LRP1B: variants seen among roughly 807,000 people sequenced by gnomAD.
LRP1B encodes low-density lipoprotein receptor-related protein 1B.
A neutral mutation model predicts 556.6 loss-of-function variants in LRP1B; 217 were observed. The ratio of observed to expected loss-of-function variants is 0.39; its 90% CI spans 0.35 to 0.44. LRP1B has a LOEUF of 0.44. Ranked by LOEUF, LRP1B falls within the 20% of genes least tolerant of loss-of-function variation. LRP1B has a pLI of 1.00. For missense variants in LRP1B, 5,053 were observed against 5,620.8 expected (o/e 0.90, Z 3.23); for synonymous variants, 2,047 against 1,865.8 (o/e 1.10, Z -2.50).
In LRP1B at chr2:141,947,765, T is replaced by C. The variant is rs528935486; in HGVS notation, c.83-137364A>G. Among the ~76,000 whole-genome samples, 3 of 151,602 alleles carry C rather than the reference T, an allele frequency of 2.0e-5. No individual in the cohort carries two copies. In the East Asian group the frequency reaches 5.8e-4, roughly 30 times the overall value. ...TTATTATAAATATTTAAAATACTTA[T>C]CTCTAAAATTCTAAAACATCGAGGC... On this transcript the variant is annotated intron_variant, in intron 1 of 90. Transcript: ENST00000389484.
At chr2:140,352,356 A>T (rs1483300496) in intron 76 of LRP1B, among the ~76,000 whole-genome samples, 1 of 151,974 alleles carries the variant, frequency 6.6e-6, no homozygotes, top group Non-Finnish European at 1.5e-5. Flanking sequence ...TTGTAGTTTT[A>T]GTAGAGACGG....
chr2:140,784,701 G>T (rs1290540458), intron 32 of LRP1B, among the ~76,000 whole-genome samples: 1 of 143,870 alleles, frequency 7.0e-6, no homozygotes, highest in Non-Finnish European at 1.5e-5. Context: ...TATACATGAA[G>T]CTAGAGGAGG....
intron 43 of LRP1B, among the ~76,000 whole-genome samples, chr2:140,545,613 TG>T (rs909588390): frequency 2.0e-5 from 3 of 152,148 alleles, no homozygotes; most frequent in African/African-American, 7.2e-5. Flanking sequence ...GCCTTATTTC[TG>T]GAATCTCTAT....
chr2:141,540,951 A>G lies in LRP1B; in HGVS notation c.206-60418T>C, dbSNP rs184815009. 2.3e-3 allele frequency among the ~76,000 whole-genome samples: 354 copies of G among 152,186 alleles called. 4 individuals are homozygous for G. Among genetic ancestry groups the G allele is most frequent in the African/African-American group, 6.6e-3 (276 of 41,572 alleles). On this transcript the variant is annotated intron_variant, in intron 2 of 90. Coordinates refer to ENST00000389484, the MANE Select transcript of LRP1B (RefSeq NM_018557.3). ...AACCCTGTTGACAAAATGAAAATAT[A>G]TGCAAGACATACTATATAGCTGCTA...
chr2:141,083,472 A>G (rs1699975048), intron 7 of LRP1B, among the ~76,000 whole-genome samples: 2 of 152,090 alleles, frequency 1.3e-5, no homozygotes, highest in African/African-American at 4.8e-5. Context: ...GAGATGCAGC[A>G]TAGCATAATG....
chr2:140,873,779 G>A (rs1331967109), intron 25 of LRP1B, among the ~76,000 whole-genome samples: 1 of 151,698 alleles, frequency 6.6e-6, no homozygotes, highest in Non-Finnish European at 1.5e-5. Flanking sequence ...TTCAATAAAA[G>A]TATATTGGTA....
At chr2:140,300,489 A>G (rs1683775336) in intron 83 of LRP1B, among the ~76,000 whole-genome samples, 1 of 152,320 alleles carries the variant, frequency 6.6e-6, no homozygotes, top group South Asian at 2.1e-4. Flanking sequence ...GTATAGATTT[A>G]TAGCAGCGAT....
At chr2:140,496,475 GT>G (rs893213611) in intron 55 of LRP1B, among the ~76,000 whole-genome samples, 4 of 152,068 alleles carry the variant, frequency 2.6e-5, no homozygotes, top group Admixed American at 6.6e-5. Context: ...TAATGTAGAT[GT>G]TTTTTATCTT....
chr2:141,081,300 T>C (rs967634124), intron 7 of LRP1B, among the ~76,000 whole-genome samples: 4 of 152,176 alleles, frequency 2.6e-5, no homozygotes, highest in African/African-American at 9.7e-5. Context: ...CCCCTGTGGA[T>C]GAGGAGTAAC....
rs768559298 is a variant in LRP1B at position 140,700,278 on chromosome 2, G to A, written c.6771C>T (p.Asn2257=). The change falls in exon 41 of 91, where the codon AAC becomes AAT. Residue 2257 remains asparagine, a synonymous_variant. Transcript: ENST00000389484. ...HFGNIQLIKD[N]WEDRQVIVEN... is the part of the protein sequence containing the mutation. ...CAACAATTACTTGTCTGTCTTCCCA[G>A]TTGTCTTTAATAAGCTGTATATTTC... The A allele has an allele frequency of 6.2e-7, 1 of 1,611,518 alleles. No individual in the cohort carries two copies. Among genetic ancestry groups the A allele is most frequent in the Non-Finnish European group, 8.5e-7 (1 of 1,178,542 alleles).
chr2:140,340,869 A>G (rs1681355889), intron 77 of LRP1B, among the ~76,000 whole-genome samples: 1 of 151,468 alleles, frequency 6.6e-6, no homozygotes, highest in Non-Finnish European at 1.5e-5. Context: ...AGTGTTCCCA[A>G]TGTTTATACC....
chr2:140,358,905 T>G lies in LRP1B; in HGVS notation c.11173A>C (p.Asn3725His), dbSNP rs748237904. ...CPSTRPHRCR[N>H]NRICLQSEQM... Reference sequence around the variant, plus strand: ...TCCGACTGTAGGCATATTCTGTTATTTCTGCATCTGTGAGGTCTCGTGGAT... The same window carrying G: ...TCCGACTGTAGGCATATTCTGTTATGTCTGCATCTGTGAGGTCTCGTGGAT... Residue 3725 changes from asparagine (N) to histidine (H), a missense_variant, in exon 73 of 91, where the codon AAT becomes CAT. Coordinates refer to ENST00000389484, the MANE Select transcript of LRP1B (RefSeq NM_018557.3). The G allele has an allele frequency of 1.2e-5, 19 of 1,608,784 alleles. No homozygotes were observed. The highest frequency in any genetic ancestry group is 1.5e-5 in the Non-Finnish European group (18 of 1,176,188).
chr2:140,577,092 G>A (rs1031553655), intron 43 of LRP1B, among the ~76,000 whole-genome samples: 7 of 152,006 alleles, frequency 4.6e-5, no homozygotes, highest in African/African-American at 1.2e-4. Context: ...ATGTTCCATC[G>A]CACTCACTCT....
intron 35 of LRP1B, among the ~76,000 whole-genome samples, chr2:140,764,363 C>T (rs1318726691): frequency 1.3e-5 from 2 of 152,036 alleles, no homozygotes; most frequent in Non-Finnish European, 2.9e-5. Context: ...GTTACAAATG[C>T]ACGACGGCAC....
At chr2:140,304,599 G>A (rs1296708389) in intron 83 of LRP1B, among the ~76,000 whole-genome samples, 1 of 152,144 alleles carries the variant, frequency 6.6e-6, no homozygotes, top group Admixed American at 6.5e-5. Context: ...CTCCCATTCT[G>A]TAGGTTGCCC....
At chr2:140,382,646 T>C (rs181315929) in intron 67 of LRP1B, among the ~76,000 whole-genome samples, 1 of 152,276 alleles carries the variant, frequency 6.6e-6, no homozygotes, top group African/African-American at 2.4e-5. Flanking sequence ...ATAGAAAGCA[T>C]ATTAAATTTA....
chr2:141,119,487 C>T (rs540699109), intron 7 of LRP1B, among the ~76,000 whole-genome samples: 1 of 151,854 alleles, frequency 6.6e-6, no homozygotes, highest in South Asian at 2.1e-4. Flanking sequence ...TACAATTTCA[C>T]ACTCACTTGG....
intron 73 of LRP1B, 42 bp downstream of exon 73, chr2:140,358,779 C>T (rs1267877987): frequency 1.3e-6 from 2 of 1,596,344 alleles, no homozygotes; most frequent in Non-Finnish European, 1.7e-6. Context: ...ATCAGAGAAC[C>T]TCATAGCCAT....
chr2:140,255,812 G>A (rs1445025351), intron 86 of LRP1B, among the ~76,000 whole-genome samples: 2 of 152,152 alleles, frequency 1.3e-5, no homozygotes, highest in Non-Finnish European at 2.9e-5. Flanking sequence ...TTATCAATCA[G>A]TCATTTCTCA....
Sources: gnomAD v4.1 joint callset for allele counts (sites outside exome capture counted in the v4.1 genomes callset) on GRCh38, gnomAD v4.1.1 for gene constraint, MANE v1.5 for transcripts, NCBI Gene and HGNC (gene_info 2026-07-23, HGNC 2026-07-21) for gene names.